The following FCHO2 variants were observed in gnomAD, a reference collection of about 807,000 sequenced individuals.
FCHO2 encodes the protein FCH and mu domain containing endocytic adaptor 2.
In FCHO2, 43 loss-of-function variants were observed where a neutral mutation model predicts 114.1. The ratio of observed to expected loss-of-function variants is 0.38; its 90% CI spans 0.30 to 0.49. The LOEUF (loss-of-function observed/expected upper bound fraction) is 0.49, where lower values mean the gene tolerates loss of function less well. FCHO2 is among the 20% of genes least tolerant of loss of function. FCHO2 has a pLI of 0.97. For synonymous variants in FCHO2, 293 were observed against 315.2 expected (o/e 0.93, Z 0.75); for missense variants, 807 against 950.4 (o/e 0.85, Z 1.98).
intron 2 of FCHO2, among the ~76,000 whole-genome samples, chr5:72,980,494 A>G (rs1753144937): frequency 1.3e-5 from 2 of 152,040 alleles, no homozygotes; most frequent in African/African-American, 2.4e-5. Context: ...CAATTCCTGA[A>G]TATCTTTGTT....
intron 17 of FCHO2, among the ~76,000 whole-genome samples, chr5:73,059,443 G>T (rs1757750481): frequency 6.6e-6 from 1 of 152,070 alleles, no homozygotes. Context: ...GCTAGTAAAT[G>T]ATGAAGACAG....
At chr5:72,975,258 G>A (rs575883716) in intron 2 of FCHO2, among the ~76,000 whole-genome samples, 16 of 152,226 alleles carry the variant, frequency 1.1e-4, no homozygotes, top group African/African-American at 2.9e-4. Flanking sequence ...TGGAACAATA[G>A]GATAATCATA....
intron 8 of FCHO2, among the ~76,000 whole-genome samples, chr5:73,029,493 A>G (rs1443463581): frequency 3.3e-5 from 5 of 152,230 alleles, no homozygotes; most frequent in Admixed American, 6.5e-5. Flanking sequence ...TTAAGACTAT[A>G]GTTTCTAAAT....
chr5:73,028,290 G>A (rs1338447685), intron 8 of FCHO2, among the ~76,000 whole-genome samples: 3 of 152,120 alleles, frequency 2.0e-5, no homozygotes, highest in Non-Finnish European at 4.4e-5. Context: ...ATAAAATGGT[G>A]CAACCACTCT....
intron 8 of FCHO2, chr5:73,020,652 A>G (rs1755566655): frequency 1.0e-6 from 1 of 975,114 alleles, no homozygotes; most frequent in Non-Finnish European, 1.7e-6. Flanking sequence ...TTCAAGTTCC[A>G]GTTATTAAAT....
chr5:72,958,293 T>C (rs947316224), intron 1 of FCHO2, among the ~76,000 whole-genome samples: 2 of 152,198 alleles, frequency 1.3e-5, no homozygotes, highest in East Asian at 3.8e-4. Flanking sequence ...TCTTGTTTTC[T>C]TGTAAGGGTT....
intron 20 of FCHO2, 112 bp from the exon 21 acceptor site, chr5:73,077,226 A>T (rs1742941729): frequency 1.2e-6 from 1 of 834,340 alleles, no homozygotes; most frequent in African/African-American, 1.7e-5. Context: ...ATATACACAC[A>T]TATAGGTGCG....
At chr5:73,021,110 T>C in intron 8 of FCHO2, 1 of 790,418 alleles carries the variant, frequency 1.3e-6, no homozygotes, top group Non-Finnish European at 2.3e-6. Context: ...AGTGGGTTGA[T>C]GACAAGTTCT....
At chr5:73,078,432 T>A in intron 22 of FCHO2, 120 bp downstream of exon 22, 1 of 962,386 alleles carries the variant, frequency 1.0e-6, no homozygotes, top group South Asian at 1.7e-5. Flanking sequence ...AAGGATGTTT[T>A]GAAATTAGAA....
At chr5:72,956,590 C>A (rs1395480153) in intron 1 of FCHO2, among the ~76,000 whole-genome samples, 2 of 152,184 alleles carry the variant, frequency 1.3e-5, no homozygotes, top group Non-Finnish European at 2.9e-5. Context: ...TCTGAGCGAT[C>A]CCTTTTACCT....
At chr5:73,061,752 T>C (rs1757862056) in intron 17 of FCHO2, among the ~76,000 whole-genome samples, 2 of 152,132 alleles carry the variant, frequency 1.3e-5, no homozygotes, top group African/African-American at 4.8e-5. Context: ...TCAGAAGGCA[T>C]TCCAGAGATT....
At chr5:73,064,707 T>A (rs568516947) in intron 18 of FCHO2, among the ~76,000 whole-genome samples, 32 of 152,112 alleles carry the variant, frequency 2.1e-4, no homozygotes, top group Non-Finnish European at 3.4e-4. Flanking sequence ...CTTTCTCCCC[T>A]TTTCAACCTA....
chr5:73,011,445 C>A (rs1755006541), intron 6 of FCHO2, among the ~76,000 whole-genome samples: 1 of 151,036 alleles, frequency 6.6e-6, no homozygotes, highest in Non-Finnish European at 1.5e-5. Context: ...AGCTTTTTTT[C>A]TGTTTTAAAA....
At chr5:73,006,120 G>A (rs1292744582) in intron 5 of FCHO2, among the ~76,000 whole-genome samples, 1 of 152,174 alleles carries the variant, frequency 6.6e-6, no homozygotes, top group African/African-American at 2.4e-5. Context: ...CTCCAACAGT[G>A]TGTTAACATA....
At chr5:73,059,058 GTTT>G (rs1580182310) in intron 17 of FCHO2, among the ~76,000 whole-genome samples, 1 of 152,110 alleles carries the variant, frequency 6.6e-6, no homozygotes, top group East Asian at 1.9e-4. Flanking sequence ...GTTGATAAAT[GTTT>G]TTTAGTTGTT....
Position 73,037,182 on chromosome 5 carries a change from G to A in FCHO2, c.881G>A (p.Gly294Glu). 6.3e-7 allele frequency: 1 copy of A among 1,595,150 alleles called. No individual in the cohort carries two copies. The highest frequency in any genetic ancestry group is 8.5e-7 in the Non-Finnish European group (1 of 1,171,508). ...AAAAGAAAGACCTTTGCTTTGCCAG[G>A]AATCATTAAAAAGGAAAAAGATGCA... ...PRKRKTFALP[G>E]IIKKEKDAES... is the part of the protein sequence containing the mutation. Residue 294 changes from glycine to glutamate, a missense_variant, in exon 10 of 26, where the codon GGA becomes GAA. Transcript: ENST00000430046.
rs1757706173 is a variant in FCHO2 at position 73,058,542 on chromosome 5, TA to T, written c.1345+19del. 1.0e-6 allele frequency: 1 copy of T among 986,558 alleles called. No homozygotes were observed. The highest frequency in any genetic ancestry group is 1.7e-5 in the African/African-American group (1 of 59,640). The allele number at this position is 986,558 out of a possible 1,614,324, so 61.1% of individuals were successfully genotyped here. The stretch of plus-strand genomic sequence containing the variant: ...ATCATCAGGTAAATATATATATGTA[TA>T]TATGTATTTTTTTAAATAAAGAATA... On this transcript the variant is annotated intron_variant, in intron 17 of 25. Transcript: ENST00000430046.
At chr5:73,047,725 CT>C (rs1291187982) in intron 11 of FCHO2, among the ~76,000 whole-genome samples, 1 of 152,108 alleles carries the variant, frequency 6.6e-6, no homozygotes, top group African/African-American at 2.4e-5. Context: ...TTAAGTCATA[CT>C]TTAAGTCATC....
intron 6 of FCHO2, among the ~76,000 whole-genome samples, chr5:73,007,917 G>T (rs969965269): frequency 6.6e-6 from 1 of 152,172 alleles, no homozygotes; most frequent in Non-Finnish European, 1.5e-5. Context: ...TTTAAAACTG[G>T]AACTTGAAGA....
Sources: gnomAD v4.1 joint callset for allele counts (sites outside exome capture counted in the v4.1 genomes callset) on GRCh38, gnomAD v4.1.1 for gene constraint, MANE v1.5 for transcripts, NCBI Gene and HGNC (gene_info 2026-07-23, HGNC 2026-07-21) for gene names.